The following CHRM3 variants were observed in gnomAD, a reference collection of about 807,000 sequenced individuals.
CHRM3 encodes cholinergic receptor muscarinic 3.
In CHRM3, 11 loss-of-function variants were observed where a neutral mutation model predicts 41.8. The ratio of observed to expected loss-of-function variants is 0.26; its 90% CI spans 0.17 to 0.44. CHRM3 has a LOEUF of 0.44. Ranked by LOEUF, CHRM3 falls within the 20% of genes least tolerant of loss-of-function variation. CHRM3 has a pLI of 1.00. For synonymous variants in CHRM3, 297 were observed against 301.4 expected (o/e 0.99, Z 0.15); for missense variants, 571 against 745.4 (o/e 0.77, Z 2.72).
At chr1:239,731,149 G>C (rs1476978637) in intron 5 of CHRM3, among the ~76,000 whole-genome samples, 1 of 152,072 alleles carries the variant, frequency 6.6e-6, no homozygotes, top group African/African-American at 2.4e-5. Flanking sequence ...ACATTTTGGA[G>C]CTTTAAAGGC....
intron 5 of CHRM3, among the ~76,000 whole-genome samples, chr1:239,826,376 G>C (rs375812584): frequency 6.6e-6 from 1 of 152,082 alleles, no homozygotes; most frequent in Non-Finnish European, 1.5e-5. Context: ...AAATATGCTC[G>C]ATAGGCATAC....
intron 6 of CHRM3, among the ~76,000 whole-genome samples, chr1:239,831,042 G>T (rs1558161326): frequency 6.6e-6 from 1 of 152,024 alleles, no homozygotes; most frequent in African/African-American, 2.4e-5. Context: ...CATTTAAGAA[G>T]GGGCAGTGCC....
At chr1:239,576,932 C>T (rs1662422095) in intron 3 of CHRM3, among the ~76,000 whole-genome samples, 1 of 152,142 alleles carries the variant, frequency 6.6e-6, no homozygotes, top group Non-Finnish European at 1.5e-5. Context: ...AGGTTAAACA[C>T]ATAACAATTT....
chr1:239,672,513 A>G lies in CHRM3; in HGVS notation c.-249-5673A>G, dbSNP rs566740086. Among the ~76,000 whole-genome samples, 7 of 152,208 alleles carry G rather than the reference A, an allele frequency of 4.6e-5. No homozygotes were observed. In the South Asian group the frequency reaches 1.5e-3, roughly 32 times the overall value. Reference sequence around the variant, plus strand: ...AGATGGATAAGGAGCCACATGCCATAGATCAGAGAAGATAATCAAATTCTG... The same window carrying G: ...AGATGGATAAGGAGCCACATGCCATGGATCAGAGAAGATAATCAAATTCTG... On this transcript the variant is annotated intron_variant, in intron 4 of 6. Transcript: ENST00000676153.
rs559035727 is a variant in CHRM3 at position 239,520,982 on chromosome 1, G to T, written c.-421-24659G>T. Among the ~76,000 whole-genome samples the T allele has an allele frequency of 4.6e-5, 7 of 152,186 alleles. No individual in the cohort carries two copies. In the South Asian group the frequency reaches 1.4e-3, roughly 32 times the overall value. ...TATAGAGCACAGAAAAAAAAATGGA[G>T]TTTGACCCAATATGAACTTGAAGGA... is the stretch of plus-strand genomic sequence containing the variant. On this transcript the variant is annotated intron_variant, in intron 2 of 6. Transcript: ENST00000676153.
chr1:239,638,891 T>A (rs1670784014), intron 4 of CHRM3, among the ~76,000 whole-genome samples: 3 of 152,144 alleles, frequency 2.0e-5, no homozygotes, highest in Admixed American at 6.5e-5. Flanking sequence ...GTTTTTATGG[T>A]TTTAGGTCTA....
intron 5 of CHRM3, among the ~76,000 whole-genome samples, chr1:239,762,012 G>C (rs751596549): frequency 6.6e-6 from 1 of 152,068 alleles, no homozygotes; most frequent in Non-Finnish European, 1.5e-5. Flanking sequence ...AATGATCCTC[G>C]GGTTCACTTT....
At chr1:239,782,563 G>T (rs1488007535) in intron 5 of CHRM3, among the ~76,000 whole-genome samples, 1 of 152,050 alleles carries the variant, frequency 6.6e-6, no homozygotes, top group African/African-American at 2.4e-5. Context: ...CTAGTTTTCA[G>T]TTTAGTTGAT....
chr1:239,903,011 G>A (rs1024987779), intron 6 of CHRM3, among the ~76,000 whole-genome samples: 2 of 152,120 alleles, frequency 1.3e-5, no homozygotes, highest in South Asian at 2.1e-4. Flanking sequence ...AAGAATGATG[G>A]CCAATGGTAG....
At chr1:239,638,899 C>T (rs1333693642) in intron 4 of CHRM3, among the ~76,000 whole-genome samples, 1 of 152,182 alleles carries the variant, frequency 6.6e-6, no homozygotes, top group East Asian at 1.9e-4. Flanking sequence ...GGTTTTAGGT[C>T]TAACATTTAA....
intron 2 of CHRM3, among the ~76,000 whole-genome samples, chr1:239,542,367 A>G (rs1430892449): frequency 6.6e-6 from 1 of 152,176 alleles, no homozygotes; most frequent in Non-Finnish European, 1.5e-5. Context: ...TACTCAGAGA[A>G]AACAGGAGGA....
chr1:239,821,607 C>T (rs1672057229), intron 5 of CHRM3, among the ~76,000 whole-genome samples: 1 of 152,186 alleles, frequency 6.6e-6, no homozygotes, highest in South Asian at 2.1e-4. Context: ...GAACCCTCAC[C>T]ATGCACGTCA....
In CHRM3 at chr1:239,552,319, CAT is replaced by C. The variant is rs531784463; in HGVS notation, c.-313+6578_-313+6579del. On this transcript the variant is annotated intron_variant, in intron 3 of 6. Transcript: ENST00000676153. The stretch of plus-strand genomic sequence containing the variant: ...ATTTTATATATGTATAGATATGTAT[CAT>C]ATATATAGATGATATGTATCATATT... 1.7e-3 allele frequency among the ~76,000 whole-genome samples: 239 copies of C among 142,506 alleles called. 1 individual carries two copies. Among genetic ancestry groups the C allele is most frequent in the African/African-American group, 4.9e-3 (188 of 38,718 alleles). The allele number at this position is 142,506 out of a possible 152,430, so 93.5% of individuals were successfully genotyped here.
At chr1:239,624,565 G>A (rs1434414486) in intron 3 of CHRM3, among the ~76,000 whole-genome samples, 2 of 151,434 alleles carry the variant, frequency 1.3e-5, no homozygotes, top group South Asian at 2.1e-4. Flanking sequence ...TGGACATGAA[G>A]TCCTTGCCCA....
At chr1:239,643,472 G>C (rs1671422167) in intron 4 of CHRM3, among the ~76,000 whole-genome samples, 1 of 152,210 alleles carries the variant, frequency 6.6e-6, no homozygotes, top group African/African-American at 2.4e-5. Flanking sequence ...CTGGGCAATG[G>C]TGGGCGCCCC....
At chr1:239,627,331 C>T (rs1669081406) in intron 3 of CHRM3, among the ~76,000 whole-genome samples, 1 of 127,944 alleles carries the variant, frequency 7.8e-6, no homozygotes, top group Admixed American at 7.8e-5. Context: ...CAACCCCTGC[C>T]TTTTTTTGTT....
intron 1 of CHRM3, among the ~76,000 whole-genome samples, chr1:239,414,327 C>G (rs1241844718): frequency 6.9e-6 from 1 of 144,586 alleles, no homozygotes; most frequent in African/African-American, 2.4e-5. Context: ...CACAAATGGC[C>G]TACTTAAAAA....
intron 6 of CHRM3, among the ~76,000 whole-genome samples, chr1:239,854,861 A>G (rs1293230140): frequency 2.0e-5 from 3 of 152,176 alleles, no homozygotes; most frequent in South Asian, 2.1e-4. Context: ...AAGAATTCAG[A>G]TAAGTGGAAG....
chr1:239,462,090 T>C (rs1364642974), intron 1 of CHRM3, among the ~76,000 whole-genome samples: 1 of 152,222 alleles, frequency 6.6e-6, no homozygotes, highest in Non-Finnish European at 1.5e-5. Context: ...CCTGCATTCA[T>C]TTAAATGTTA....
Sources: gnomAD v4.1 joint callset for allele counts (sites outside exome capture counted in the v4.1 genomes callset) on GRCh38, gnomAD v4.1.1 for gene constraint, MANE v1.5 for transcripts, NCBI Gene and HGNC (gene_info 2026-07-23, HGNC 2026-07-21) for gene names.